Variants in ONECUT3 observed in about 807,000 individuals in gnomAD.
The protein encoded by ONECUT3 is one cut homeobox 3, also known as one cut domain family member 3.
In ONECUT3, 11 loss-of-function variants were observed where a neutral mutation model predicts 16.8. The observed-to-expected ratio is 0.66, with a 90% CI of 0.41 to 1.09. ONECUT3 has a LOEUF of 1.09. Among genes scored for constraint, ONECUT3 ranks in the 50% least tolerant of loss-of-function variants. The pLI is 0.00. For missense variants in ONECUT3, 637 were observed against 629.9 expected (o/e 1.01, Z -0.12); for synonymous variants, 344 against 310.7 (o/e 1.11, Z -1.13).
chr19:1,763,373 A>AAT, intron 1 of ONECUT3, among the ~76,000 whole-genome samples: 1 of 106,398 alleles, frequency 9.4e-6, no homozygotes, highest in East Asian at 3.9e-4. Context: ...TCTCAAAAAA[A>AAT]AAAAAAAAAA....
rs971592903 is a variant in ONECUT3, at chr19:1,762,117, G to A, written c.1192+7263G>A. Among the ~76,000 whole-genome samples, 2 of 152,202 alleles carry A rather than the reference G, an allele frequency of 1.3e-5. No individual in the cohort carries two copies. Among genetic ancestry groups the A allele is most frequent in the African/African-American group, 4.8e-5 (2 of 41,458 alleles). Reference sequence around the variant, plus strand: ...AGTCTTGAGCCAGCAACTCCCCTAAGTGGGGTGCGGGGACATCTGGAAGAC... The same window carrying A: ...AGTCTTGAGCCAGCAACTCCCCTAAATGGGGTGCGGGGACATCTGGAAGAC... On this transcript the variant is annotated intron_variant, in intron 1 of 1. Coordinates refer to ENST00000382349, the MANE Select transcript of ONECUT3 (RefSeq NM_001080488.2). The surrounding 1 kb of genome is among the most constrained non-coding windows in gnomAD (Gnocchi z 4.4).
intron 1 of ONECUT3, among the ~76,000 whole-genome samples, chr19:1,772,970 T>G (rs980089615): frequency 2.0e-5 from 3 of 151,608 alleles, no homozygotes; most frequent in Non-Finnish European, 4.4e-5. Flanking sequence ...CCCAAAGTGC[T>G]GGGATTACAG....
Position 1,764,423 on chromosome 19 carries a change from C to T in ONECUT3, c.1192+9569C>T, listed in dbSNP as rs1483799698. The stretch of plus-strand genomic sequence containing the variant: ...TTAAAATCCCATCAGGGGAGGCTGG[C>T]GGGGAAAGCTGGAGGGAGAGGGGTG... On this transcript the variant is annotated intron_variant, in intron 1 of 1. Transcript: ENST00000382349. This position sits in a 1 kb window ranked among gnomAD's most constrained non-coding sequence, Gnocchi z 5.0. Among the ~76,000 whole-genome samples the T allele has an allele frequency of 1.3e-5, 2 of 151,834 alleles. No individual in the cohort carries two copies.
Position 1,753,844 on chromosome 19 carries a change from G to A in ONECUT3, c.182G>A (p.Gly61Asp), listed in dbSNP as rs1784308267. The A allele has an allele frequency of 1.0e-6, 1 of 971,702 alleles. No individual in the cohort carries two copies. Among genetic ancestry groups the A allele is most frequent in the Non-Finnish European group, 1.2e-6 (1 of 820,564 alleles). 60.2% of individuals were successfully genotyped at this position (971,702 alleles called of 1,614,324 possible). The change falls in exon 1 of 2, where the codon GGC (glycine) becomes GAC (aspartate). Residue 61 changes from glycine (G) to aspartate (D), a missense_variant. Gly to Asp is a moderately conservative substitution (Grantham distance 94, BLOSUM62 -1). Around this residue, in one of 3 missense-constraint regions of ONECUT3, gnomAD observed 419 missense variants for 377.9 expected, o/e 1.11. Coordinates refer to ENST00000382349, the MANE Select transcript of ONECUT3 (RefSeq NM_001080488.2). ...CTGCTGGACGGCGGCGGCGGCGGCGGCGGTGGGGGCGCCGGGGGCGCGGGC... is the reference window on the plus strand; with the variant it reads ...CTGCTGGACGGCGGCGGCGGCGGCGACGGTGGGGGCGCCGGGGGCGCGGGC... ...ASLLDGGGGG[G>D]GGGAGGAGGA...
Position 1,754,019 on chromosome 19 carries a change from C to T in ONECUT3, c.357C>T (p.Ala119=). The T allele has an allele frequency of 1.0e-6, 1 of 993,146 alleles. No individual in the cohort carries two copies. Among genetic ancestry groups the T allele is most frequent in the Non-Finnish European group, 1.2e-6 (1 of 836,528 alleles). 61.5% of individuals were successfully genotyped at this position (993,146 alleles called of 1,614,324 possible). A position where few individuals can be genotyped will look rare whatever the true frequency, so the allele number is the denominator to read the frequency against. Residue 119 remains alanine (A), a synonymous_variant, in exon 1 of 2, where the codon GCC becomes GCT. Transcript: ENST00000382349. The surrounding 1 kb of genome is among the most constrained non-coding windows in gnomAD (Gnocchi z 7.4). ...TPLQHLPPLA[A]VADKFHQHAA... is the part of the protein sequence containing the mutation. ...TGCAGCACCTGCCGCCGCTCGCGGC[C>T]GTGGCCGACAAGTTCCACCAGCACG...
In ONECUT3 at chr19:1,754,500, G is replaced by A; in HGVS notation, c.838G>A (p.Ala280Thr). ...CAGCGGCGGAGCGGGCAGCGGGAGC[G>A]CCGCGGGGCTGCTGGCGCCGCTGGG... ...TGSGGAGSGS[A>T]AGLLAPLGGL... is the part of the protein sequence containing the mutation. Residue 280 changes from alanine (A) to threonine (T), a missense_variant, in exon 1 of 2, where the codon GCC becomes ACC. Ala to Thr is a moderately conservative substitution (Grantham distance 58, BLOSUM62 0). Transcript: ENST00000382349. This position sits in a 1 kb window ranked among gnomAD's most constrained non-coding sequence, Gnocchi z 7.4. 1.0e-6 allele frequency: 1 copy of A among 980,510 alleles called. No individual in the cohort carries two copies. 60.7% of individuals were successfully genotyped at this position (980,510 alleles called of 1,614,324 possible). A position where few individuals can be genotyped will look rare whatever the true frequency, so the allele number is the denominator to read the frequency against.
chr19:1,753,952 A>G lies in ONECUT3; in HGVS notation c.290A>G (p.Glu97Gly). ...CACCCGGCAATGGGCATGGCCTGCG[A>G]GGCGCCGGGCCTGGGCGGCACCTAC... Reference protein sequence around the residue: ...PLHPAMGMACEAPGLGGTYTT... With the variant: ...PLHPAMGMACGAPGLGGTYTT... The change falls in exon 1 of 2, where the codon GAG becomes GGG. Residue 97 changes from glutamate (E) to glycine (G), a missense_variant. This residue lies in a region of ONECUT3 where 419 missense variants were observed against 377.9 expected (regional missense o/e 1.11). Transcript: ENST00000382349. 1 of 986,602 alleles carries G rather than the reference A, an allele frequency of 1.0e-6. No individual in the cohort carries two copies. 61.1% of individuals were successfully genotyped at this position (986,602 alleles called of 1,614,324 possible).
At chr19:1,763,367 A>AAAAC (rs2067957277) in intron 1 of ONECUT3, among the ~76,000 whole-genome samples, 1 of 41,494 alleles carries the variant, frequency 2.4e-5, no homozygotes, top group Non-Finnish European at 4.0e-5. Flanking sequence ...ACTCCATCTC[A>AAAAC]AAAAAAAAAA....
Position 1,776,928 on chromosome 19 carries a change from C to G in ONECUT3, c.*1483C>G, listed in dbSNP as rs543403451. On this transcript the variant is annotated 3_prime_UTR_variant, in exon 2 of 2. Coordinates refer to ENST00000382349, the MANE Select transcript of ONECUT3 (RefSeq NM_001080488.2). This position sits in a 1 kb window ranked among gnomAD's most constrained non-coding sequence, Gnocchi z 4.9. ...CACGCCTGATACCAAAGATTTCTCCCAAGGATTTGTGCTGGATGACAGGAT... is the reference window on the plus strand; with the variant it reads ...CACGCCTGATACCAAAGATTTCTCCGAAGGATTTGTGCTGGATGACAGGAT... 3 of 152,274 alleles carry G rather than the reference C, an allele frequency of 2.0e-5. No homozygotes were observed. Among genetic ancestry groups the G allele is most frequent in the African/African-American group, 2.4e-5 (1 of 41,544 alleles). 9.4% of individuals were successfully genotyped at this position (152,274 alleles called of 1,614,324 possible).
At chr19:1,771,092 C>G (rs1019448986) in intron 1 of ONECUT3, among the ~76,000 whole-genome samples, 23 of 152,144 alleles carry the variant, frequency 1.5e-4, no homozygotes, top group African/African-American at 4.8e-4. Context: ...GAGTTGATAG[C>G]TGCCAAACAA....
At position 1,766,276 on chromosome 19, in the gene ONECUT3, G is replaced by A. The variant is rs1385363801; in HGVS notation, c.1193-8877G>A. Among the ~76,000 whole-genome samples, 1 of 152,164 alleles carries A rather than the reference G, an allele frequency of 6.6e-6. No individual in the cohort carries two copies. Among genetic ancestry groups the A allele is most frequent in the Non-Finnish European group, 1.5e-5 (1 of 68,038 alleles). ...GCAGCCCCACGCGGGCACACCCGAT[G>A]GTGGACGGAGGCTGGCACCCTCAGC... On this transcript the variant is annotated intron_variant, in intron 1 of 1. Coordinates refer to ENST00000382349, the MANE Select transcript of ONECUT3 (RefSeq NM_001080488.2). This position sits in a 1 kb window ranked among gnomAD's most constrained non-coding sequence, Gnocchi z 4.0.
chr19:1,761,715 G>A (rs2067947366), intron 1 of ONECUT3, among the ~76,000 whole-genome samples: 1 of 152,198 alleles, frequency 6.6e-6, no homozygotes, highest in Non-Finnish European at 1.5e-5. Flanking sequence ...CACTGGTGGG[G>A]TAGGGGAGAG....
chr19:1,753,989 G>A lies in ONECUT3; in HGVS notation c.327G>A (p.Thr109=), dbSNP rs2067902521. ...TGGGCGGCACCTACACGACGCTCAC[G>A]CCCCTGCAGCACCTGCCGCCGCTCG... ...PGLGGTYTTL[T]PLQHLPPLAA... The change falls in exon 1 of 2, where the codon ACG becomes ACA. Residue 109 remains threonine (T), a synonymous_variant. Transcript: ENST00000382349. 4.0e-6 allele frequency: 4 copies of A among 994,726 alleles called. No individual in the cohort carries two copies. The highest frequency in any genetic ancestry group is 4.8e-6 in the Non-Finnish European group (4 of 837,388). 61.6% of individuals were successfully genotyped at this position (994,726 alleles called of 1,614,324 possible).
At chr19:1,769,707 C>T (rs988389128) in intron 1 of ONECUT3, among the ~76,000 whole-genome samples, 1 of 151,850 alleles carries the variant, frequency 6.6e-6, no homozygotes, top group Non-Finnish European at 1.5e-5. Context: ...CTGTCAGCGG[C>T]TGTGGGGGAT....
chr19:1,775,126 G>GGGCCCCCCCCCCCCCCCCC, intron 1 of ONECUT3, 27 bp from the exon 2 acceptor site: 3 of 1,143,898 alleles, frequency 2.6e-6, no homozygotes, highest in Non-Finnish European at 3.6e-6. Context: ...TGTCCCGCTC[G>GGGCCCCCCCCCCCCCCCCC]CCCGCCCGCC....
intron 1 of ONECUT3, among the ~76,000 whole-genome samples, chr19:1,757,556 C>T (rs2067922932): frequency 6.6e-6 from 1 of 152,172 alleles, no homozygotes; most frequent in Non-Finnish European, 1.5e-5. Context: ...GTCCGCTGCC[C>T]ACGCCGTGGC....
At chr19:1,765,406 C>T (rs1292453744) in intron 1 of ONECUT3, among the ~76,000 whole-genome samples, 1 of 152,206 alleles carries the variant, frequency 6.6e-6, no homozygotes, top group African/African-American at 2.4e-5. Flanking sequence ...TCGAAGGCCT[C>T]AGAGAGCCCA....
chr19:1,773,339 C>T (rs1412418901), intron 1 of ONECUT3, among the ~76,000 whole-genome samples: 4 of 152,058 alleles, frequency 2.6e-5, no homozygotes, highest in Non-Finnish European at 5.9e-5. Context: ...CCACAGGCAT[C>T]ACTTGCATTT....
chr19:1,775,662 A>T lies in ONECUT3; in HGVS notation c.*217A>T. ...TCCTCCCTCCATGCCCACTCCCTCCAGGCCAAAGGAAGCCCTCCACCCCCC... is the reference window on the plus strand; with the variant it reads ...TCCTCCCTCCATGCCCACTCCCTCCTGGCCAAAGGAAGCCCTCCACCCCCC... On this transcript the variant is annotated 3_prime_UTR_variant, in exon 2 of 2. Coordinates refer to ENST00000382349, the MANE Select transcript of ONECUT3 (RefSeq NM_001080488.2). The T allele has an allele frequency of 2.5e-6, 1 of 407,682 alleles. No homozygotes were observed. The allele number at this position is 407,682 out of a possible 1,614,324, so 25.3% of individuals were successfully genotyped here.
Sources: allele counts gnomAD v4.1 joint callset (sites outside exome capture counted in the v4.1 genomes callset), GRCh38; gene constraint gnomAD v4.1.1; regional missense constraint gnomAD v4.1.1; non-coding constraint Gnocchi (gnomAD v3.1); transcripts MANE v1.5; gene names NCBI Gene and HGNC (gene_info 2026-07-23, HGNC 2026-07-21).